The following HELB variants were observed in gnomAD, a reference collection of about 807,000 sequenced individuals.
HELB encodes DNA 5'-3' helicase B.
Under a neutral mutation model 101.7 loss-of-function variants are expected in HELB, and 96 were observed. The observed-to-expected ratio is 0.94, with a 90% confidence interval of 0.80 to 1.12. The LOEUF is 1.12. Ranked by LOEUF, HELB falls within the 50% of genes most tolerant of loss-of-function variation. HELB has a pLI of 0.00. For missense variants in HELB, 1,210 were observed against 1,291.9 expected (o/e 0.94, Z 0.97); for synonymous variants, 437 against 459.7 (o/e 0.95, Z 0.63).
chr12:66,330,166 A>G lies in HELB; in HGVS notation c.2671-988A>G, dbSNP rs574005302. ...AAACCACTTCTTTGTCTGTGTTGGCACTGGATCCGCTGACTCAGAATATAG... is the reference window on the plus strand; with the variant it reads ...AAACCACTTCTTTGTCTGTGTTGGCGCTGGATCCGCTGACTCAGAATATAG... On this transcript the variant is annotated intron_variant, in intron 11 of 12. Transcript: ENST00000247815. Among the ~76,000 whole-genome samples, 21 of 152,292 alleles carry G rather than the reference A, an allele frequency of 1.4e-4. No homozygotes were observed. In the East Asian group the frequency reaches 4.1e-3, roughly 29 times the overall value.
intron 11 of HELB, among the ~76,000 whole-genome samples, chr12:66,329,663 A>G (rs2053782797): frequency 6.6e-6 from 1 of 152,206 alleles, no homozygotes; most frequent in African/African-American, 2.4e-5. Context: ...TTTTACAAAT[A>G]TCACTGTGGC....
intron 6 of HELB, among the ~76,000 whole-genome samples, chr12:66,317,556 TA>T (rs763209278): frequency 3.9e-5 from 6 of 152,244 alleles, no homozygotes; most frequent in Non-Finnish European, 5.9e-5. Flanking sequence ...ATCTGAAGCA[TA>T]TTAGCTTTCT....
At chr12:66,319,952 A>G (rs2053652407) in intron 7 of HELB, among the ~76,000 whole-genome samples, 1 of 150,236 alleles carries the variant, frequency 6.7e-6, no homozygotes, top group South Asian at 2.1e-4. Context: ...AACTCCTGTT[A>G]TATACTAGAT....
At chr12:66,303,056 C>T (rs1353294347) in intron 1 of HELB, among the ~76,000 whole-genome samples, 1 of 142,284 alleles carries the variant, frequency 7.0e-6, no homozygotes. Flanking sequence ...AAAGCTTCTA[C>T]AGTGTGGAAG....
At chr12:66,331,797 T>C in intron 12 of HELB, 152 bp downstream of exon 12, 1 of 762,560 alleles carries the variant, frequency 1.3e-6, no homozygotes, top group South Asian at 1.8e-5. Context: ...TTCCCTTACC[T>C]CACTGTCTGA....
chr12:66,319,980 G>A (rs538294679), intron 7 of HELB, among the ~76,000 whole-genome samples: 3 of 144,578 alleles, frequency 2.1e-5, no homozygotes, highest in South Asian at 4.4e-4. Context: ...AATAGATAAA[G>A]CAGAGGAAAA....
chr12:66,305,156 T>C lies in HELB; in HGVS notation c.607+6T>C. 1 of 1,507,770 alleles carries C rather than the reference T, an allele frequency of 6.6e-7. No individual in the cohort carries two copies. Among genetic ancestry groups the C allele is most frequent in the Non-Finnish European group, 8.9e-7 (1 of 1,117,626 alleles). The allele number at this position is 1,507,770 out of a possible 1,614,324, so 93.4% of individuals were successfully genotyped here. A position where few individuals can be genotyped will look rare whatever the true frequency, so the allele number is the denominator to read the frequency against. ...TCTTCCTCTGGAAAACACAAGTAAG[T>C]GTGATTTTTATCATCAACTTTCAGT... On this transcript the variant is annotated splice_donor_region_variant and intron_variant, in intron 2 of 12. Transcript: ENST00000247815.
chr12:66,326,782 A>G (rs1218030809), intron 11 of HELB, among the ~76,000 whole-genome samples: 1 of 150,250 alleles, frequency 6.7e-6, no homozygotes, highest in Non-Finnish European at 1.5e-5. Flanking sequence ...TTGTAATCCC[A>G]GCACTTTGGG....
At chr12:66,336,929 G>A (rs2053872382) in intron 12 of HELB, among the ~76,000 whole-genome samples, 2 of 152,196 alleles carry the variant, frequency 1.3e-5, no homozygotes, top group Non-Finnish European at 2.9e-5. Flanking sequence ...TAGGGAGAGA[G>A]TAGGGAATGA....
chr12:66,333,456 G>A (rs995357864), intron 12 of HELB, among the ~76,000 whole-genome samples: 16 of 152,182 alleles, frequency 1.1e-4, no homozygotes, highest in Admixed American at 6.5e-4. Flanking sequence ...AGGCTGAGGC[G>A]GGTGGATCAC....
chr12:66,329,030 G>A (rs558384407), intron 11 of HELB, among the ~76,000 whole-genome samples: 1 of 152,246 alleles, frequency 6.6e-6, no homozygotes, highest in Admixed American at 6.5e-5. Flanking sequence ...CATACAAGTG[G>A]TTGAGTTGTA....
downstream of HELB, chr12:66,338,205 G>A: frequency 1.4e-6 from 1 of 705,734 alleles, no homozygotes; most frequent in Non-Finnish European, 2.5e-6. Flanking sequence ...TATAACTGGA[G>A]TTTTAAGGTA....
In HELB at chr12:66,310,295, G is replaced by A. The variant is rs574563220; in HGVS notation, c.1367G>A (p.Arg456Gln). The change falls in exon 4 of 13, where the codon CGG becomes CAG. Residue 456 changes from arginine to glutamine, a missense_variant. Transcript: ENST00000247815. ...DQDQVEVPLD[R>Q]DQVAALEMIC... ...GATCAGGTTGAAGTTCCACTGGATC[G>A]GGATCAGGTGGCTGCTTTGGAAATG... The A allele has an allele frequency of 2.9e-5, 47 of 1,613,970 alleles. No homozygotes were observed. The highest frequency in any genetic ancestry group is 1.8e-4 in the Admixed American group (11 of 59,994).
downstream of HELB, chr12:66,339,865 T>C (rs2053904197): frequency 6.6e-6 from 1 of 152,194 alleles, no homozygotes; most frequent in African/African-American, 2.4e-5. Flanking sequence ...ATTGCAGACA[T>C]GTGGTTCTTT....
intron 12 of HELB, among the ~76,000 whole-genome samples, chr12:66,335,609 G>A (rs1333092041): frequency 6.6e-6 from 1 of 152,190 alleles, no homozygotes; most frequent in African/African-American, 2.4e-5. Flanking sequence ...GTACATTAAG[G>A]CATCTTAGTG....
intron 6 of HELB, among the ~76,000 whole-genome samples, chr12:66,316,887 C>T (rs528863263): frequency 5.3e-5 from 8 of 151,916 alleles, no homozygotes; most frequent in South Asian, 2.1e-4. Flanking sequence ...GGCTTGGTGG[C>T]GGGCGCCTGT....
At chr12:66,329,535 G>A (rs930492473) in intron 11 of HELB, among the ~76,000 whole-genome samples, 1 of 152,144 alleles carries the variant, frequency 6.6e-6, no homozygotes, top group African/African-American at 2.4e-5. Context: ...AAGGAGAGGA[G>A]CAGGGCCAAG....
rs945121697 is a variant in HELB at position 66,319,882 on chromosome 12, T to G, written c.2155+1090T>G. Among the ~76,000 whole-genome samples, 6 of 150,876 alleles carry G rather than the reference T, an allele frequency of 4.0e-5. No individual in the cohort carries two copies. The South Asian group carries it at 1.3e-3, about 32-fold the overall frequency. On this transcript the variant is annotated intron_variant, in intron 7 of 12. Coordinates refer to ENST00000247815, the MANE Select transcript of HELB (RefSeq NM_001370285.1). ...AGTGTTCTATAATGTGCTTTTTTGGTTTTTTTTGTTTATTGTAGAAACTTT... is the reference window on the plus strand; with the variant it reads ...AGTGTTCTATAATGTGCTTTTTTGGGTTTTTTTGTTTATTGTAGAAACTTT...
chr12:66,302,542 G>C lies in HELB; in HGVS notation c.-62G>C. The C allele has an allele frequency of 5.3e-6, 8 of 1,509,418 alleles. No homozygotes were observed. Among genetic ancestry groups the C allele is most frequent in the Non-Finnish European group, 7.3e-6 (8 of 1,093,228 alleles). 93.5% of individuals were successfully genotyped at this position (1,509,418 alleles called of 1,614,324 possible). A position where few individuals can be genotyped will look rare whatever the true frequency, so the allele number is the denominator to read the frequency against. On this transcript the variant is annotated 5_prime_UTR_variant, in exon 1 of 13. Transcript: ENST00000247815. ...CTTACAGTCGTAGAACTGATTGGCT[G>C]ATCATGACCATGCAGTTAGCCAGGG...
Sources: gnomAD v4.1 joint callset for allele counts (sites outside exome capture counted in the v4.1 genomes callset) on GRCh38, gnomAD v4.1.1 for gene constraint, MANE v1.5 for transcripts, NCBI Gene and HGNC (gene_info 2026-07-23, HGNC 2026-07-21) for gene names.